NCK1: variants seen among roughly 807,000 people sequenced by gnomAD.
The protein encoded by NCK1 is SH2/SH3 adapter protein NCK1.
In NCK1, 19 loss-of-function variants were observed where a neutral mutation model predicts 36.6. The ratio of observed to expected loss-of-function variants is 0.52; its 90% CI spans 0.36 to 0.76. The LOEUF is 0.76. Among genes scored for constraint, NCK1 ranks in the 30% least tolerant of loss-of-function variants. The pLI is 0.00. For missense variants in NCK1, 358 were observed against 445.6 expected (o/e 0.80, Z 1.77); for synonymous variants, 165 against 156.0 (o/e 1.06, Z -0.43).
intron 1 of NCK1, among the ~76,000 whole-genome samples, chr3:136,884,986 G>A (rs886755554): frequency 2.0e-5 from 3 of 152,094 alleles, no homozygotes; most frequent in Admixed American, 2.0e-4. Context: ...CTCCCAAAGT[G>A]TTGAGATTAT....
At chr3:136,886,229 G>A (rs1939069858) in intron 1 of NCK1, among the ~76,000 whole-genome samples, 1 of 152,066 alleles carries the variant, frequency 6.6e-6, no homozygotes, top group Non-Finnish European at 1.5e-5. Flanking sequence ...CTTGGCTATA[G>A]GTAGTATATA....
rs531292371 is a variant in NCK1 at position 136,892,117 on chromosome 3, G to C, written c.-19+29764G>C. 4.6e-5 allele frequency among the ~76,000 whole-genome samples: 7 copies of C among 152,118 alleles called. No homozygotes were observed. In the East Asian group the frequency reaches 1.4e-3, roughly 29 times the overall value. On this transcript the variant is annotated intron_variant, in intron 1 of 3. Coordinates refer to ENST00000481752, the MANE Select transcript of NCK1 (RefSeq NM_001291999.2). Reference sequence around the variant, plus strand: ...TGCCCAAGCAGGTCTTGAACTTTTAGCCTCAAGGGATCCTCCTGTCTCAGC... The same window carrying C: ...TGCCCAAGCAGGTCTTGAACTTTTACCCTCAAGGGATCCTCCTGTCTCAGC...
At chr3:136,864,748 G>GT (rs1340416695) in intron 1 of NCK1, among the ~76,000 whole-genome samples, 6 of 141,966 alleles carry the variant, frequency 4.2e-5, no homozygotes, top group East Asian at 2.2e-4. Flanking sequence ...ATGGTTCTGG[G>GT]TTTTTTTCTT....
intron 3 of NCK1, chr3:136,947,114 A>AG (rs1372087809): frequency 2.0e-5 from 3 of 152,206 alleles, no homozygotes; most frequent in Admixed American, 6.6e-5. Context: ...AATGTGTGGA[A>AG]GTGGGGTGTG....
At chr3:136,896,719 T>G (rs893024142) in intron 1 of NCK1, among the ~76,000 whole-genome samples, 2 of 152,154 alleles carry the variant, frequency 1.3e-5, no homozygotes, top group African/African-American at 4.8e-5. Context: ...CAAACTGGTC[T>G]CAAATTCCTG....
intron 1 of NCK1, among the ~76,000 whole-genome samples, chr3:136,925,512 CT>C (rs1940215274): frequency 6.6e-6 from 1 of 152,120 alleles, no homozygotes; most frequent in South Asian, 2.1e-4. Context: ...GTCATACTTA[CT>C]TCCCTCCTGT....
At chr3:136,867,866 C>T (rs1306777942) in intron 1 of NCK1, among the ~76,000 whole-genome samples, 2 of 152,022 alleles carry the variant, frequency 1.3e-5, no homozygotes, top group Non-Finnish European at 2.9e-5. Context: ...TGTATTTATG[C>T]CTTCTCATAG....
intron 2 of NCK1, among the ~76,000 whole-genome samples, chr3:136,937,128 A>G (rs1940551998): frequency 6.6e-6 from 1 of 152,126 alleles, no homozygotes. Flanking sequence ...ATTTCGAGTT[A>G]ATTTTTATAT....
At chr3:136,896,510 A>G (rs189797286) in intron 1 of NCK1, among the ~76,000 whole-genome samples, 21 of 152,244 alleles carry the variant, frequency 1.4e-4, no homozygotes, top group African/African-American at 4.8e-4. Flanking sequence ...TTGTGTATAT[A>G]TGCCACATAT....
At chr3:136,903,096 C>G (rs1169986086) in intron 1 of NCK1, among the ~76,000 whole-genome samples, 1 of 152,196 alleles carries the variant, frequency 6.6e-6, no homozygotes, top group African/African-American at 2.4e-5. Flanking sequence ...CCTTACAGAT[C>G]TAATAATACT....
At chr3:136,886,507 A>G (rs766838274) in intron 1 of NCK1, among the ~76,000 whole-genome samples, 13 of 152,222 alleles carry the variant, frequency 8.5e-5, no homozygotes, top group Admixed American at 2.0e-4. Flanking sequence ...ATGACAAGGA[A>G]AAAACGTCTG....
At chr3:136,891,044 A>T (rs1276194570) in intron 1 of NCK1, among the ~76,000 whole-genome samples, 1 of 152,216 alleles carries the variant, frequency 6.6e-6, no homozygotes, top group Non-Finnish European at 1.5e-5. Context: ...AGGTTTATTC[A>T]CATTGTAGCA....
chr3:136,876,506 T>C (rs902008479), intron 1 of NCK1, among the ~76,000 whole-genome samples: 2 of 152,122 alleles, frequency 1.3e-5, no homozygotes, highest in Non-Finnish European at 2.9e-5. Context: ...CTACCATACT[T>C]TGTTTTCTAG....
chr3:136,865,120 A>C (rs1307716635), intron 1 of NCK1, among the ~76,000 whole-genome samples: 10 of 151,766 alleles, frequency 6.6e-5, no homozygotes, highest in Non-Finnish European at 1.2e-4. Flanking sequence ...ACCACGCCTG[A>C]CTAATTTTTG....
intron 1 of NCK1, among the ~76,000 whole-genome samples, chr3:136,894,648 G>A (rs1347225819): frequency 1.3e-5 from 2 of 152,070 alleles, no homozygotes; most frequent in Non-Finnish European, 2.9e-5. Context: ...TACTGTAAAT[G>A]TCCAGAGACA....
intron 1 of NCK1, among the ~76,000 whole-genome samples, chr3:136,910,039 C>T (rs1939795960): frequency 6.6e-6 from 1 of 152,080 alleles, no homozygotes; most frequent in African/African-American, 2.4e-5. Context: ...CAATCTCTGT[C>T]TTTTGATTGG....
intron 1 of NCK1, among the ~76,000 whole-genome samples, chr3:136,900,856 G>C (rs1475895555): frequency 6.6e-6 from 1 of 152,168 alleles, no homozygotes; most frequent in Non-Finnish European, 1.5e-5. Context: ...CATCAGCAAA[G>C]AGGGACAGTT....
intron 1 of NCK1, among the ~76,000 whole-genome samples, chr3:136,895,601 G>T (rs977142616): frequency 6.6e-6 from 1 of 152,034 alleles, no homozygotes; most frequent in African/African-American, 2.4e-5. Flanking sequence ...GTCCCACTCT[G>T]TTGCCCAGGC....
chr3:136,867,075 T>G (rs1467248987), intron 1 of NCK1, among the ~76,000 whole-genome samples: 1 of 792 alleles, frequency 1.3e-3, no homozygotes. Context: ...TTTCTTTCTT[T>G]CTTTCTTTCT....
Sources: gnomAD v4.1 joint callset for allele counts (sites outside exome capture counted in the v4.1 genomes callset) on GRCh38, gnomAD v4.1.1 for gene constraint, MANE v1.5 for transcripts, NCBI Gene and HGNC (gene_info 2026-07-23, HGNC 2026-07-21) for gene names.